The following MGAT4A variants were observed in gnomAD, a reference collection of about 807,000 sequenced individuals.
MGAT4A encodes the protein N-acetylglucosaminyltransferase IVa.
In MGAT4A, 33 loss-of-function variants were observed where a neutral mutation model predicts 74.1. The observed-to-expected ratio is 0.45, with a 90% CI of 0.34 to 0.60. MGAT4A has a LOEUF of 0.60. MGAT4A is among the 20% of genes least tolerant of loss of function. The pLI, the probability that MGAT4A is intolerant of heterozygous loss-of-function variation, is 0.02. For synonymous variants in MGAT4A, 198 were observed against 210.4 expected, an observed-to-expected ratio of 0.94 and a Z score of 0.51; for missense variants, 479 against 628.3, an observed-to-expected ratio of 0.76 and a Z score of 2.54.
intron 1 of MGAT4A, chr2:98,730,089 T>C (rs746615291): frequency 1.8e-4 from 28 of 152,260 alleles, no homozygotes; most frequent in African/African-American, 4.8e-5. Flanking sequence ...TTATTCTAAA[T>C]TTACAGTCTA....
chr2:98,668,650 C>T (rs981528569), intron 4 of MGAT4A, among the ~76,000 whole-genome samples: 3 of 152,210 alleles, frequency 2.0e-5, no homozygotes, highest in African/African-American at 7.2e-5. Context: ...CCTCCAGACC[C>T]CAGAATGATA....
intron 2 of MGAT4A, among the ~76,000 whole-genome samples, chr2:98,714,840 A>G (rs987642146): frequency 6.6e-6 from 1 of 152,220 alleles, no homozygotes; most frequent in African/African-American, 2.4e-5. Context: ...TTTCACCTCA[A>G]TAAATTTGAA....
chr2:98,656,351 C>T lies in MGAT4A; in HGVS notation c.698+1G>A. The T allele has an allele frequency of 6.4e-7, 1 of 1,566,470 alleles. No homozygotes were observed. The highest frequency in any genetic ancestry group is 8.8e-7 in the Non-Finnish European group (1 of 1,138,308). On this transcript the variant is annotated splice_donor_variant, in intron 7 of 15. Coordinates refer to ENST00000393487, the MANE Select transcript of MGAT4A (RefSeq NM_012214.3). LOFTEE classifies it high-confidence loss of function. Reference sequence around the variant, plus strand: ...GAGGATTTTAAACGGCACATGCTCACCTTACTCTTTCTTTGGAGTCTCCAA... The same window carrying T: ...GAGGATTTTAAACGGCACATGCTCATCTTACTCTTTCTTTGGAGTCTCCAA...
In MGAT4A at chr2:98,621,543, A is replaced by C. The variant is rs1449308185; in HGVS notation, c.*4023T>G. The stretch of plus-strand genomic sequence containing the variant: ...TCACAAGATTTGATTAGCCACCCCC[A>C]GACAGTCTTCCTTTTGCTACATAAC... On this transcript the variant is annotated 3_prime_UTR_variant, in exon 16 of 16. Coordinates refer to ENST00000393487, the MANE Select transcript of MGAT4A (RefSeq NM_012214.3). 2 of 1,551,144 alleles carry C rather than the reference A, an allele frequency of 1.3e-6. No homozygotes were observed. Among genetic ancestry groups the C allele is most frequent in the East Asian group, 4.9e-5 (2 of 40,934 alleles).
chr2:98,667,833 C>T (rs1304295489), intron 4 of MGAT4A, among the ~76,000 whole-genome samples: 1 of 152,064 alleles, frequency 6.6e-6, no homozygotes, highest in Non-Finnish European at 1.5e-5. Context: ...GATTCTCCTG[C>T]CTCAGCCTCC....
intron 1 of MGAT4A, among the ~76,000 whole-genome samples, chr2:98,728,965 T>C (rs1354897472): frequency 6.6e-6 from 1 of 152,152 alleles, no homozygotes; most frequent in African/African-American, 2.4e-5. Flanking sequence ...TAGTAAAAGA[T>C]CTAAAAAGCA....
chr2:98,629,233 T>C (rs1283190016), intron 14 of MGAT4A, among the ~76,000 whole-genome samples: 1 of 152,176 alleles, frequency 6.6e-6, no homozygotes, highest in African/African-American at 2.4e-5. Context: ...GCATAGTTAA[T>C]AGATTAATAA....
intron 2 of MGAT4A, among the ~76,000 whole-genome samples, chr2:98,719,513 T>C (rs533565361): frequency 2.0e-4 from 30 of 151,836 alleles, no homozygotes; most frequent in Admixed American, 1.0e-3. Context: ...ATGTCCAGTT[T>C]CCAATAAAAA....
At position 98,619,860 on chromosome 2, in the gene MGAT4A, CAACA is replaced by C. The variant is rs558119007; in HGVS notation, c.*5702_*5705del. On this transcript the variant is annotated 3_prime_UTR_variant, in exon 16 of 16. Transcript: ENST00000393487. ...TCCAAGAGTATTAAAATATTCCCCA[CAACA>C]AACAATCTTCATTTCAGAACAATTT... is the stretch of plus-strand genomic sequence containing the variant. The C allele has an allele frequency of 1.8e-3, 267 of 152,300 alleles. 1 individual carries two copies. The highest frequency in any genetic ancestry group is 6.8e-3 in the Middle Eastern group (2 of 294). 9.4% of individuals were successfully genotyped at this position (152,300 alleles called of 1,614,324 possible). A position where few individuals can be genotyped will look rare whatever the true frequency, so the allele number is the denominator to read the frequency against.
At position 98,623,738 on chromosome 2, in the gene MGAT4A, T is replaced by C; in HGVS notation, c.*1828A>G. ...AACAACATGGAGTGATGGAAATAAT[T>C]GTACTGTATCAGTGTTTCCAAACGT... On this transcript the variant is annotated 3_prime_UTR_variant, in exon 16 of 16. Transcript: ENST00000393487. 1 of 985,422 alleles carries C rather than the reference T, an allele frequency of 1.0e-6. No individual in the cohort carries two copies. The highest frequency in any genetic ancestry group is 1.2e-6 in the Non-Finnish European group (1 of 829,922). 61.0% of individuals were successfully genotyped at this position (985,422 alleles called of 1,614,324 possible).
intron 4 of MGAT4A, among the ~76,000 whole-genome samples, chr2:98,672,979 C>T (rs1416316150): frequency 6.6e-6 from 1 of 152,138 alleles, no homozygotes; most frequent in African/African-American, 2.4e-5. Flanking sequence ...ATTCGTGGTA[C>T]TAATTTTCCT....
intron 2 of MGAT4A, among the ~76,000 whole-genome samples, chr2:98,724,715 A>G (rs1465135448): frequency 1.3e-5 from 2 of 152,136 alleles, no homozygotes; most frequent in East Asian, 1.9e-4. Context: ...AAGACTTGCC[A>G]TCTTTCAAAT....
At chr2:98,693,730 A>AATAGTTTCAT (rs1192852277) in intron 2 of MGAT4A, among the ~76,000 whole-genome samples, 1 of 151,980 alleles carries the variant, frequency 6.6e-6, no homozygotes, top group African/African-American at 2.4e-5. Flanking sequence ...CTTTAAAGGA[A>AATAGTTTCAT]ATAGTTTCAT....
In MGAT4A at chr2:98,699,983, CT is replaced by C. The variant is rs1016196824; in HGVS notation, c.95-21513del. Among the ~76,000 whole-genome samples, 44 of 152,286 alleles carry C rather than the reference CT, an allele frequency of 2.9e-4. No individual in the cohort carries two copies. In the East Asian group the frequency reaches 5.6e-3, roughly 19 times the overall value. On this transcript the variant is annotated intron_variant, in intron 2 of 15. Coordinates refer to ENST00000393487, the MANE Select transcript of MGAT4A (RefSeq NM_012214.3). ...TATAGGATACGTGACCCGTCCTTGC[CT>C]TTTTCTGCACGTGAGATAACATCTG...
rs1287067616 is a variant in MGAT4A at position 98,663,195 on chromosome 2, G to C, written c.404-16C>G. On this transcript the variant is annotated splice_polypyrimidine_tract_variant and intron_variant, in intron 4 of 15. Coordinates refer to ENST00000393487, the MANE Select transcript of MGAT4A (RefSeq NM_012214.3). Reference sequence around the variant, plus strand: ...ACTATTGAAACTGGAAAAAAAAATAGTAATTATATTAAAAAACTGTACAAG... The same window carrying C: ...ACTATTGAAACTGGAAAAAAAAATACTAATTATATTAAAAAACTGTACAAG... 12 of 1,561,806 alleles carry C rather than the reference G, an allele frequency of 7.7e-6. No individual in the cohort carries two copies. The Admixed American group carries it at 2.4e-4, about 31-fold the overall frequency.
chr2:98,644,963 T>A (rs1412331498), intron 9 of MGAT4A, among the ~76,000 whole-genome samples: 1 of 152,242 alleles, frequency 6.6e-6, no homozygotes. Flanking sequence ...AGCTGGCTAA[T>A]TTTGAAACAT....
At chr2:98,677,234 A>G (rs3769689) in intron 3 of MGAT4A, among the ~76,000 whole-genome samples, 33,452 of 152,144 alleles carry the variant, frequency 0.22, 4,512 homozygotes, top group Non-Finnish European at 0.31. Flanking sequence ...CCACTAGGAA[A>G]CTATGTATGT....
chr2:98,722,738 T>A (rs1702694814), intron 2 of MGAT4A, among the ~76,000 whole-genome samples: 2 of 152,192 alleles, frequency 1.3e-5, no homozygotes. Context: ...TAAATACATT[T>A]TTGCTGAAGG....
At chr2:98,716,981 C>G (rs11123749) in intron 2 of MGAT4A, among the ~76,000 whole-genome samples, 1 of 151,994 alleles carries the variant, frequency 6.6e-6, no homozygotes, top group African/African-American at 2.4e-5. Context: ...CTGTGGTTGG[C>G]TGAATCTGTG....
Sources: allele counts gnomAD v4.1 joint callset (sites outside exome capture counted in the v4.1 genomes callset), GRCh38; gene constraint gnomAD v4.1.1; transcripts MANE v1.5; gene names NCBI Gene and HGNC (gene_info 2026-07-23, HGNC 2026-07-21).